The following ADAMTS7 variants were observed in gnomAD, a reference collection of about 807,000 sequenced individuals.
The protein encoded by ADAMTS7 is A disintegrin and metalloproteinase with thrombospondin motifs 7.
In ADAMTS7, 89 loss-of-function variants were observed where a neutral mutation model predicts 172.6. The observed-to-expected ratio is 0.52, with a 90% CI of 0.43 to 0.61. ADAMTS7 has a LOEUF of 0.61. Among genes scored for constraint, ADAMTS7 ranks in the 20% least tolerant of loss-of-function variants. The probability of loss-of-function intolerance (pLI) is 0.00; values close to 1 mark genes in which losing one functional copy is unlikely to be tolerated. For synonymous variants in ADAMTS7, 885 were observed against 978.4 expected, an observed-to-expected ratio of 0.90 and a Z score of 1.78; for missense variants, 1,973 against 2,355.6, an observed-to-expected ratio of 0.84 and a Z score of 3.36.
chr15:78,781,856 T>C (rs1329118072), intron 8 of ADAMTS7, among the ~76,000 whole-genome samples: 1 of 152,222 alleles, frequency 6.6e-6, no homozygotes, highest in Non-Finnish European at 1.5e-5. Context: ...GGAATAGTAA[T>C]GAGTGTGCGT....
In ADAMTS7 at chr15:78,771,870, G is replaced by A. The variant is rs114006538; in HGVS notation, c.2132-41C>T. 9.3e-4 allele frequency: 1,481 copies of A among 1,588,156 alleles called. 11 individuals are homozygous for A. In the African/African-American group the frequency reaches 0.014, roughly 15 times the overall value. ...TGTGCATAGGTTGTGCCCAGGGTGAGAGGGTTGCTTATCCCCACCCGCTCC... is the reference window on the plus strand; with the variant it reads ...TGTGCATAGGTTGTGCCCAGGGTGAAAGGGTTGCTTATCCCCACCCGCTCC... On this transcript the variant is annotated intron_variant, in intron 14 of 23. Coordinates refer to ENST00000388820, the MANE Select transcript of ADAMTS7 (RefSeq NM_014272.5). This position sits in a 1 kb window ranked among gnomAD's most constrained non-coding sequence, Gnocchi z 4.9.
Position 78,766,958 on chromosome 15 carries a change from T to C in ADAMTS7, c.2953A>G (p.Ser985Gly). ...VPCDEAQQPASEVTCSLPLCR... is the reference protein window; with the variant it reads ...VPCDEAQQPAGEVTCSLPLCR... ...AGTGGCAGAGAGCAGGTGACTTCGC[T>C]GGCTGGCTGCTGGGCCTCGTCACAG... The change falls in exon 19 of 24, where the codon AGC becomes GGC. Residue 985 changes from serine (S) to glycine (G), a missense_variant. By Grantham distance (56) the Ser-to-Gly change is moderately conservative. Coordinates refer to ENST00000388820, the MANE Select transcript of ADAMTS7 (RefSeq NM_014272.5). 6.2e-7 allele frequency: 1 copy of C among 1,610,756 alleles called. No individual in the cohort carries two copies. The highest frequency in any genetic ancestry group is 8.5e-7 in the Non-Finnish European group (1 of 1,179,418).
At chr15:78,792,028 C>T (rs1248591416) in intron 4 of ADAMTS7, among the ~76,000 whole-genome samples, 1 of 152,150 alleles carries the variant, frequency 6.6e-6, no homozygotes, top group Non-Finnish European at 1.5e-5. Context: ...GCAGGGATGG[C>T]AGAACAGGCC....
chr15:78,808,000 G>T (rs958971212), intron 1 of ADAMTS7, among the ~76,000 whole-genome samples: 1 of 151,714 alleles, frequency 6.6e-6, no homozygotes, highest in Non-Finnish European at 1.5e-5. Flanking sequence ...GACTACAGGC[G>T]TGGACTACCA....
rs773109687 is a variant in ADAMTS7, at chr15:78,771,606, G to C, written c.2355C>G (p.Thr785=). The C allele has an allele frequency of 1.3e-6, 2 of 1,599,858 alleles. No individual in the cohort carries two copies. The highest frequency in any genetic ancestry group is 3.4e-5 in the Admixed American group (2 of 59,560). ...NWENLTSPGP[T]KEPVWIQLLF... ...GCACCTGGATCCAGACAGGCTCCTTGGTGGGACCCGGGGACGTGAGGTTCT... is the reference window on the plus strand; with the variant it reads ...GCACCTGGATCCAGACAGGCTCCTTCGTGGGACCCGGGGACGTGAGGTTCT... Residue 785 remains threonine, a synonymous_variant, in exon 15 of 24, where the codon ACC becomes ACG. Transcript: ENST00000388820. This position sits in a 1 kb window ranked among gnomAD's most constrained non-coding sequence, Gnocchi z 4.9.
Position 78,765,709 on chromosome 15 carries a change from G to T in ADAMTS7, c.4202C>A (p.Ala1401Glu). Residue 1401 changes from alanine (A) to glutamate (E), a missense_variant, in exon 19 of 24, where the codon GCG (alanine) becomes GAG (glutamate). This residue lies in a region of ADAMTS7 where 771 missense variants were observed against 952.6 expected (regional missense o/e 0.81). Coordinates refer to ENST00000388820, the MANE Select transcript of ADAMTS7 (RefSeq NM_014272.5). ...AACCAACGGGTCCGCGGGGGGCCCC[G>T]CTTCAGCCAGGCTGGGAGCCAGCGG... is the stretch of plus-strand genomic sequence containing the variant. The part of the protein sequence containing the change: ...TQPLAPSLAE[A>E]GPPADPLVVR... The T allele has an allele frequency of 6.2e-7, 1 of 1,610,590 alleles. No individual in the cohort carries two copies. Among genetic ancestry groups the T allele is most frequent in the Non-Finnish European group, 8.5e-7 (1 of 1,179,762 alleles).
Position 78,776,412 on chromosome 15 carries a change from T to A in ADAMTS7, c.1561-79A>T. The stretch of plus-strand genomic sequence containing the variant: ...CTCACCCTAGTGAGAACAAGGTGGG[T>A]GGGAAGGCTGCGAAAGGCACAGAGG... On this transcript the variant is annotated intron_variant, in intron 10 of 23. Coordinates refer to ENST00000388820, the MANE Select transcript of ADAMTS7 (RefSeq NM_014272.5). 2.0e-6 allele frequency: 3 copies of A among 1,532,980 alleles called. No homozygotes were observed. The South Asian group carries it at 3.7e-5, about 19-fold the overall frequency. The allele number at this position is 1,532,980 out of a possible 1,614,324, so 95.0% of individuals were successfully genotyped here.
chr15:78,783,450 T>A (rs1162113836), intron 8 of ADAMTS7, among the ~76,000 whole-genome samples: 5 of 151,784 alleles, frequency 3.3e-5, no homozygotes, highest in African/African-American at 1.2e-4. Flanking sequence ...TTTGTATTTT[T>A]TTTTTTTAGT....
intron 23 of ADAMTS7, among the ~76,000 whole-genome samples, chr15:78,760,602 C>G (rs1222308331): frequency 6.6e-6 from 1 of 152,148 alleles, no homozygotes; most frequent in Non-Finnish European, 1.5e-5. Context: ...CCTCTGTCAA[C>G]CCCACCTCCA....
chr15:78,776,798 T>C lies in ADAMTS7; in HGVS notation c.1511A>G (p.His504Arg). The change falls in exon 10 of 24, where the codon CAC (histidine) becomes CGC (arginine). Residue 504 changes from histidine (H) to arginine (R), a missense_variant. By Grantham distance (29) the His-to-Arg change is conservative. Around this residue, in one of 8 missense-constraint regions of ADAMTS7, gnomAD observed 526 missense variants for 662.9 expected, o/e 0.79. Coordinates refer to ENST00000388820, the MANE Select transcript of ADAMTS7 (RefSeq NM_014272.5). ...TLWCSVGTTC[H>R]SKLDAAVDGT... ...GTCCACAGCTGCATCCAGCTTGGAG[T>C]GACAGGTGGTCCCCACAGAGCACCA... is the stretch of plus-strand genomic sequence containing the variant. 3.2e-6 allele frequency: 5 copies of C among 1,551,490 alleles called. No homozygotes were observed. In the East Asian group the frequency reaches 9.7e-5, roughly 30 times the overall value.
rs2055096947 is a variant in ADAMTS7, at chr15:78,764,052, A to C, written c.4467T>G (p.Cys1489Trp). 2.4e-5 allele frequency: 37 copies of C among 1,538,952 alleles called. No homozygotes were observed. Among genetic ancestry groups the C allele is most frequent in the Non-Finnish European group, 3.2e-5 (37 of 1,141,140 alleles). The change falls in exon 21 of 24, where the codon TGT (cysteine) becomes TGG (tryptophan). Residue 1489 changes from cysteine to tryptophan, a missense_variant. Around this residue, in one of 8 missense-constraint regions of ADAMTS7, gnomAD observed 218 missense variants for 216.9 expected, o/e 1.01. Transcript: ENST00000388820. The part of the protein sequence containing the change: ...GGGSSVRDVQ[C>W]VDTRDLRPLR... Reference sequence around the variant, plus strand: ...GTGGCCGGAGGTCCCGTGTGTCCACACACTGCACGTCCCGCACTGAGGAAC... The same window carrying C: ...GTGGCCGGAGGTCCCGTGTGTCCACCCACTGCACGTCCCGCACTGAGGAAC...
chr15:78,759,564 G>C lies in ADAMTS7; in HGVS notation c.4918C>G (p.Arg1640Gly), dbSNP rs765492663. Residue 1640 changes from arginine (R) to glycine (G), a missense_variant, in exon 24 of 24, where the codon CGC (arginine) becomes GGC (glycine). Physicochemically the swap from Arg to Gly is moderately radical, Grantham distance 125 (BLOSUM62 -2). Around this residue, in one of 8 missense-constraint regions of ADAMTS7, gnomAD observed 94 missense variants for 95.4 expected, o/e 0.99. Coordinates refer to ENST00000388820, the MANE Select transcript of ADAMTS7 (RefSeq NM_014272.5). ...GTCTCGCAGAACCCGAAGGACAGGCGGTCCCGCTCACAGCCTGGAGTGGGG... is the reference window on the plus strand; with the variant it reads ...GTCTCGCAGAACCCGAAGGACAGGCCGTCCCGCTCACAGCCTGGAGTGGGG... Reference protein sequence around the residue: ...PVEPPRCERDRLSFGFCETLR... With the variant: ...PVEPPRCERDGLSFGFCETLR... The C allele has an allele frequency of 1.9e-6, 3 of 1,588,118 alleles. No homozygotes were observed. Among genetic ancestry groups the C allele is most frequent in the Non-Finnish European group, 2.6e-6 (3 of 1,173,064 alleles).
At chr15:78,777,639 G>A (rs372174904) in intron 8 of ADAMTS7, 51 bp from the exon 9 acceptor site, 53 of 1,568,920 alleles carry the variant, frequency 3.4e-5, no homozygotes, top group Middle Eastern at 3.4e-4. Flanking sequence ...GAGACCCATC[G>A]GAGAAGCCTT....
At chr15:78,791,004 G>C in intron 5 of ADAMTS7, 136 bp downstream of exon 5, 1 of 1,232,588 alleles carries the variant, frequency 8.1e-7, no homozygotes, top group Middle Eastern at 2.9e-4. Flanking sequence ...AGGAACCAGG[G>C]GGTGGCAGGG....
At position 78,796,607 on chromosome 15, in the gene ADAMTS7, G is replaced by A. The variant is rs1467126533; in HGVS notation, c.802C>T (p.Leu268=). The change falls in exon 4 of 24, where the codon CTG becomes TTG. Residue 268 remains leucine (L), a synonymous_variant. Transcript: ENST00000388820. The part of the protein sequence containing the change: ...HGQPQVESYV[L]TIMNMVAGLF... ...AGACTCACCATGTTCATGATGGTCA[G>A]CACATAGCTCTCAACCTGCGGCTGT... is the stretch of plus-strand genomic sequence containing the variant. 1 of 1,613,424 alleles carries A rather than the reference G, an allele frequency of 6.2e-7. No individual in the cohort carries two copies. The highest frequency in any genetic ancestry group is 1.3e-5 in the African/African-American group (1 of 74,864).
Position 78,789,821 on chromosome 15 carries a change from G to T in ADAMTS7, c.1046C>A (p.Ala349Asp). 6.3e-7 allele frequency: 1 copy of T among 1,596,864 alleles called. No individual in the cohort carries two copies. Among genetic ancestry groups the T allele is most frequent in the Non-Finnish European group, 8.5e-7 (1 of 1,172,224 alleles). Residue 349 changes from alanine (A) to aspartate (D), a missense_variant, in exon 7 of 24, where the codon GCC becomes GAC. Ala to Asp is a moderately radical substitution (Grantham distance 126, BLOSUM62 -2). This residue lies in a region of ADAMTS7 where 526 missense variants were observed against 662.9 expected (regional missense o/e 0.79). Coordinates refer to ENST00000388820, the MANE Select transcript of ADAMTS7 (RefSeq NM_014272.5). Reference protein sequence around the residue: ...ILLTRKDLCAAMNRPCETLGL... With the variant: ...ILLTRKDLCADMNRPCETLGL... ...CAGGGTCTCACAGGGCCGGTTCATG[G>T]CTGCACACAGGTCCTTTCTGCACAG...
rs749554963 is a variant in ADAMTS7, at chr15:78,777,611, G to C, written c.1323-23C>G. On this transcript the variant is annotated intron_variant, in intron 8 of 23. Transcript: ENST00000388820. ...CGGCTAAAGATGGGACGGGAGGATG[G>C]AGGGGGGCGCAGCCTGTGAGACCCA... The C allele has an allele frequency of 3.7e-4, 595 of 1,592,084 alleles. 1 individual carries two copies. Among genetic ancestry groups the C allele is most frequent in the Non-Finnish European group, 4.3e-4 (502 of 1,169,436 alleles).
intron 7 of ADAMTS7, among the ~76,000 whole-genome samples, chr15:78,789,353 A>T (rs1229627075): frequency 1.3e-5 from 2 of 152,254 alleles, no homozygotes; most frequent in Non-Finnish European, 2.9e-5. Flanking sequence ...GAACAGGGAC[A>T]GGGATCGAGA....
At chr15:78,775,876 C>G (rs1436394064) in intron 11 of ADAMTS7, among the ~76,000 whole-genome samples, 3 of 152,200 alleles carry the variant, frequency 2.0e-5, no homozygotes, top group Non-Finnish European at 4.4e-5. Flanking sequence ...AGGTCCAGGG[C>G]CCATGCTCTT....
Sources: gnomAD v4.1 joint callset for allele counts (sites outside exome capture counted in the v4.1 genomes callset) on GRCh38, gnomAD v4.1.1 for gene constraint, gnomAD v4.1.1 regional missense constraint, Gnocchi (gnomAD v3.1) non-coding constraint, MANE v1.5 for transcripts, NCBI Gene and HGNC (gene_info 2026-07-23, HGNC 2026-07-21) for gene names.